The following BTBD9 variants were observed in gnomAD, a reference collection of about 807,000 sequenced individuals.
The protein encoded by BTBD9 is BTB domain containing 9, also known as BTB/POZ domain-containing protein 9.
Under a neutral mutation model 64.3 loss-of-function variants are expected in BTBD9, and 49 were observed. That is an observed-to-expected ratio of 0.76 (90% confidence interval 0.61 to 0.97). The LOEUF (loss-of-function observed/expected upper bound fraction) is 0.97. Among genes scored for constraint, BTBD9 ranks in the 50% least tolerant of loss-of-function variants. The pLI is 0.00. For missense variants in BTBD9, 598 were observed against 762.1 expected (o/e 0.78, Z 2.53); for synonymous variants, 260 against 274.7 (o/e 0.95, Z 0.53).
chr6:38,245,585 T>C, intron 9 of BTBD9, among the ~76,000 whole-genome samples: 1 of 152,224 alleles, frequency 6.6e-6, no homozygotes, highest in East Asian at 1.9e-4. Context: ...AAGAATTCTG[T>C]TCTTGATTCA....
At chr6:38,445,972 G>A (rs1389774110) in intron 6 of BTBD9, among the ~76,000 whole-genome samples, 3 of 152,140 alleles carry the variant, frequency 2.0e-5, no homozygotes, top group East Asian at 3.8e-4. Flanking sequence ...TAATTTAGAC[G>A]GTAGTTGAAA....
At chr6:38,296,999 T>C (rs1471365609) in intron 7 of BTBD9, among the ~76,000 whole-genome samples, 1 of 152,228 alleles carries the variant, frequency 6.6e-6, no homozygotes, top group Non-Finnish European at 1.5e-5. Context: ...GTTCTATATA[T>C]ATTTATTAGA....
chr6:38,563,804 C>T (rs1469320330), intron 6 of BTBD9, among the ~76,000 whole-genome samples: 4 of 121,960 alleles, frequency 3.3e-5, no homozygotes, highest in Non-Finnish European at 4.9e-5. Flanking sequence ...TTTTTTGAGA[C>T]GGAGTCCTGC....
chr6:38,460,533 C>T (rs903090741), intron 6 of BTBD9, among the ~76,000 whole-genome samples: 1 of 152,306 alleles, frequency 6.6e-6, no homozygotes, highest in Non-Finnish European at 1.5e-5. Context: ...TTATAATAAA[C>T]AAAAAGAAAT....
At chr6:38,491,307 G>T (rs777999614) in intron 6 of BTBD9, among the ~76,000 whole-genome samples, 9 of 152,174 alleles carry the variant, frequency 5.9e-5, no homozygotes, top group Non-Finnish European at 1.2e-4. Flanking sequence ...GAAAGGCAAG[G>T]TGTTAGTTAC....
intron 6 of BTBD9, among the ~76,000 whole-genome samples, chr6:38,528,464 G>A (rs1238651423): frequency 6.6e-6 from 1 of 152,126 alleles, no homozygotes; most frequent in Admixed American, 6.5e-5. Context: ...GGAAATGCTT[G>A]CAACACCCCT....
At chr6:38,227,336 C>T (rs1260347064) in intron 9 of BTBD9, among the ~76,000 whole-genome samples, 5 of 152,150 alleles carry the variant, frequency 3.3e-5, no homozygotes, top group East Asian at 1.9e-4. Flanking sequence ...ATTTAGTAGG[C>T]GGTTACATTC....
At chr6:38,289,949 T>C (rs1440817156) in intron 7 of BTBD9, among the ~76,000 whole-genome samples, 1 of 152,212 alleles carries the variant, frequency 6.6e-6, no homozygotes, top group Non-Finnish European at 1.5e-5. Flanking sequence ...ATTTAAGTTA[T>C]TTAACCAAAA....
At chr6:38,242,942 T>C (rs1322952322) in intron 9 of BTBD9, among the ~76,000 whole-genome samples, 1 of 152,228 alleles carries the variant, frequency 6.6e-6, no homozygotes, top group Non-Finnish European at 1.5e-5. Flanking sequence ...TCAAGTTATA[T>C]GCATGCCAAT....
At chr6:38,413,481 G>A (rs1205555960) in intron 6 of BTBD9, among the ~76,000 whole-genome samples, 1 of 152,176 alleles carries the variant, frequency 6.6e-6, no homozygotes, top group African/African-American at 2.4e-5. Context: ...CCACTGTTTA[G>A]ACCTCTAGTT....
At chr6:38,365,897 G>A (rs1340535431) in intron 6 of BTBD9, among the ~76,000 whole-genome samples, 1 of 152,130 alleles carries the variant, frequency 6.6e-6, no homozygotes, top group African/African-American at 2.4e-5. Context: ...AAAACTGGAA[G>A]GAGAGACTGC....
chr6:38,264,094 T>C (rs1441493590), intron 8 of BTBD9, among the ~76,000 whole-genome samples: 1 of 152,072 alleles, frequency 6.6e-6, no homozygotes, highest in Non-Finnish European at 1.5e-5. Context: ...AAGACTGTGG[T>C]GTACGGTGGC....
chr6:38,367,683 T>C (rs568652488), intron 6 of BTBD9, among the ~76,000 whole-genome samples: 46 of 151,878 alleles, frequency 3.0e-4, no homozygotes, highest in Non-Finnish European at 6.5e-4. Context: ...AATGGGCAGA[T>C]AGGGTAACTA....
intron 6 of BTBD9, among the ~76,000 whole-genome samples, chr6:38,549,046 A>G (rs776630975): frequency 2.0e-5 from 3 of 152,196 alleles, no homozygotes; most frequent in African/African-American, 4.8e-5. Flanking sequence ...CTCAGTATAA[A>G]TAAGTGAAGG....
chr6:38,386,569 C>A (rs1582340532), intron 6 of BTBD9, among the ~76,000 whole-genome samples: 1 of 145,312 alleles, frequency 6.9e-6, no homozygotes, highest in Non-Finnish European at 1.5e-5. Context: ...AAATTCTGAT[C>A]AATATAAATG....
chr6:38,303,840 G>GATATATATATATATATATATATATAT (rs70981538), intron 7 of BTBD9, among the ~76,000 whole-genome samples: 1 of 75,320 alleles, frequency 1.3e-5, no homozygotes, highest in African/African-American at 4.1e-5. Context: ...TTAGTTGCTA[G>GATATATATATATATATATATATATAT]ATATATATAT....
At position 38,343,516 on chromosome 6, in the gene BTBD9, C is replaced by G. The variant is rs561747902; in HGVS notation, c.1264+1468G>C. On this transcript the variant is annotated intron_variant, in intron 7 of 10. Coordinates refer to ENST00000481247, the MANE Select transcript of BTBD9 (RefSeq NM_001099272.2). Reference sequence around the variant, plus strand: ...CTCACTGAGGGCTCTCCTAACTACACAGTCAGATATACAGTGAGGCCTACA... The same window carrying G: ...CTCACTGAGGGCTCTCCTAACTACAGAGTCAGATATACAGTGAGGCCTACA... Among the ~76,000 whole-genome samples, 7 of 152,208 alleles carry G rather than the reference C, an allele frequency of 4.6e-5. No homozygotes were observed. In the South Asian group the frequency reaches 1.5e-3, roughly 32 times the overall value.
intron 6 of BTBD9, among the ~76,000 whole-genome samples, chr6:38,514,611 A>G (rs1772927546): frequency 6.6e-6 from 1 of 152,252 alleles, no homozygotes; most frequent in Non-Finnish European, 1.5e-5. Flanking sequence ...GGGAGTTCCC[A>G]TATCTTCACA....
At chr6:38,616,685 A>G (rs1328838085) in intron 1 of BTBD9, among the ~76,000 whole-genome samples, 1 of 152,088 alleles carries the variant, frequency 6.6e-6, no homozygotes, top group Non-Finnish European at 1.5e-5. Flanking sequence ...GACTGAAAAG[A>G]GCGCGCTTTG....
Sources: gnomAD v4.1 joint callset for allele counts (sites outside exome capture counted in the v4.1 genomes callset) on GRCh38, gnomAD v4.1.1 for gene constraint, MANE v1.5 for transcripts, NCBI Gene and HGNC (gene_info 2026-07-23, HGNC 2026-07-21) for gene names.